Variants in TM2D1 observed in about 807,000 individuals in gnomAD.
The protein encoded by TM2D1 is TM2 domain containing 1.
A neutral mutation model predicts 28.4 loss-of-function variants in TM2D1; 15 were observed. The ratio of observed to expected loss-of-function variants is 0.53; its 90% CI spans 0.35 to 0.81. The LOEUF (loss-of-function observed/expected upper bound fraction) is 0.81, where lower values mean the gene tolerates loss of function less well. TM2D1 is among the 40% of genes least tolerant of loss of function. TM2D1 has a pLI of 0.01. For synonymous variants in TM2D1, 93 were observed against 96.2 expected, an observed-to-expected ratio of 0.97 and a Z score of 0.20; for missense variants, 236 against 254.9, an observed-to-expected ratio of 0.93 and a Z score of 0.50.
intron 1 of TM2D1, chr1:61,724,410 G>A (rs1357421668): frequency 2.0e-5 from 3 of 152,494 alleles, no homozygotes; most frequent in African/African-American, 7.2e-5. Context: ...TCCAGCCAGG[G>A]CGACAGAGTA....
At chr1:61,689,375 A>G (rs1044751766) in intron 5 of TM2D1, among the ~76,000 whole-genome samples, 1 of 152,030 alleles carries the variant, frequency 6.6e-6, no homozygotes, top group African/African-American at 2.4e-5. Context: ...TATTATTATT[A>G]TTTTTTGAGA....
intron 3 of TM2D1, among the ~76,000 whole-genome samples, chr1:61,707,824 T>C (rs1239466674): frequency 1.3e-5 from 2 of 152,192 alleles, no homozygotes; most frequent in Admixed American, 6.5e-5. Context: ...TTTATTTCTT[T>C]TTTTTCTTTT....
At chr1:61,717,979 A>T (rs947457765) in intron 2 of TM2D1, among the ~76,000 whole-genome samples, 11 of 152,268 alleles carry the variant, frequency 7.2e-5, no homozygotes, top group African/African-American at 2.6e-4. Flanking sequence ...GCACCACTGC[A>T]CTTCAGCCTG....
intron 3 of TM2D1, among the ~76,000 whole-genome samples, chr1:61,705,071 T>A (rs1197533775): frequency 6.6e-6 from 1 of 152,114 alleles, no homozygotes; most frequent in Non-Finnish European, 1.5e-5. Flanking sequence ...ATAAGTATTA[T>A]CAGAACAAGT....
intron 5 of TM2D1, among the ~76,000 whole-genome samples, chr1:61,691,369 C>A (rs1448514684): frequency 1.3e-5 from 2 of 151,592 alleles, no homozygotes; most frequent in Non-Finnish European, 2.9e-5. Context: ...GTGGTGCGTG[C>A]CTGTAATCCC....
At chr1:61,691,230 T>A (rs922376055) in intron 5 of TM2D1, among the ~76,000 whole-genome samples, 5 of 152,150 alleles carry the variant, frequency 3.3e-5, no homozygotes, top group African/African-American at 1.2e-4. Flanking sequence ...GCATGGTGGC[T>A]CACACTTGTA....
At chr1:61,704,042 C>T (rs187596050) in intron 3 of TM2D1, among the ~76,000 whole-genome samples, 1 of 151,938 alleles carries the variant, frequency 6.6e-6, no homozygotes, top group African/African-American at 2.4e-5. Context: ...AGGCACCAGC[C>T]ACCACATCCA....
intron 4 of TM2D1, among the ~76,000 whole-genome samples, chr1:61,695,581 G>A (rs567857274): frequency 1.3e-5 from 2 of 152,146 alleles, no homozygotes; most frequent in East Asian, 3.9e-4. Flanking sequence ...GACTCTTTGT[G>A]AAAATGTAGT....
At chr1:61,713,635 T>C (rs1031655468) in intron 2 of TM2D1, among the ~76,000 whole-genome samples, 1 of 152,042 alleles carries the variant, frequency 6.6e-6, no homozygotes, top group Non-Finnish European at 1.5e-5. Context: ...TACTAGATTG[T>C]AGATCATTTT....
intron 5 of TM2D1, among the ~76,000 whole-genome samples, chr1:61,693,976 A>C (rs2148041040): frequency 6.6e-6 from 1 of 152,334 alleles, no homozygotes; most frequent in Non-Finnish European, 1.5e-5. Flanking sequence ...TAAATGTTTA[A>C]GGACAGCATT....
rs555006385 is a variant in TM2D1 at position 61,704,238 on chromosome 1, C to A, written c.348-3213G>T. On this transcript the variant is annotated intron_variant, in intron 3 of 6. Coordinates refer to ENST00000606498, the MANE Select transcript of TM2D1 (RefSeq NM_032027.3). The stretch of plus-strand genomic sequence containing the variant: ...ACTGAATAGAATATAAAACGTATCA[C>A]CAACTTTTTATATGGCACATATATA... Among the ~76,000 whole-genome samples, 64 of 151,918 alleles carry A rather than the reference C, an allele frequency of 4.2e-4. 1 individual carries two copies. In the South Asian group the frequency reaches 0.013, roughly 32 times the overall value.
At chr1:61,711,941 T>C (rs1644482348) in intron 2 of TM2D1, among the ~76,000 whole-genome samples, 1 of 152,052 alleles carries the variant, frequency 6.6e-6, no homozygotes, top group Non-Finnish European at 1.5e-5. Flanking sequence ...GTTTTGATGT[T>C]GGCCAGGCTG....
intron 6 of TM2D1, 94 bp from the exon 7 acceptor site, chr1:61,681,444 A>G (rs984336889): frequency 6.6e-6 from 1 of 152,236 alleles, no homozygotes; most frequent in African/African-American, 2.4e-5. Flanking sequence ...TCATTTGCTC[A>G]ATGTATTTTT....
chr1:61,686,820 G>A (rs766706319), intron 5 of TM2D1: 10 of 974,728 alleles, frequency 1.0e-5, no homozygotes, highest in African/African-American at 1.8e-5. Flanking sequence ...CTGGATGGGA[G>A]GCTGAGGCAG....
At chr1:61,721,520 C>T (rs1350406516) in intron 2 of TM2D1, among the ~76,000 whole-genome samples, 4 of 135,824 alleles carry the variant, frequency 2.9e-5, no homozygotes, top group Non-Finnish European at 4.6e-5. Context: ...CCAGCCTGAG[C>T]GACAGAGTGA....
At chr1:61,721,550 A>T (rs1179574007) in intron 2 of TM2D1, among the ~76,000 whole-genome samples, 1 of 140,626 alleles carries the variant, frequency 7.1e-6, no homozygotes, top group African/African-American at 3.2e-5. Context: ...TCAAAAAAAA[A>T]AAAAAAGAAA....
At position 61,683,525 on chromosome 1, in the gene TM2D1, T is replaced by C; in HGVS notation, c.535A>G (p.Ser179Gly). 1 of 1,527,542 alleles carries C rather than the reference T, an allele frequency of 6.5e-7. No individual in the cohort carries two copies. Among genetic ancestry groups the C allele is most frequent in the Non-Finnish European group, 8.8e-7 (1 of 1,135,454 alleles). 94.6% of individuals were successfully genotyped at this position (1,527,542 alleles called of 1,614,324 possible). A position where few individuals can be genotyped will look rare whatever the true frequency, so the allele number is the denominator to read the frequency against. ...CCATAGTAATCTATAATGTAACTAC[T>C]TCCATCTGAAGGTCCAACAATCTAG... ...SMQIVGPSDGSSYIIDYYGTR... is the reference protein window; with the variant it reads ...SMQIVGPSDGGSYIIDYYGTR... The change falls in exon 6 of 7, where the codon AGT (serine) becomes GGT (glycine). Residue 179 changes from serine to glycine, a missense_variant. Physicochemically the swap from Ser to Gly is moderately conservative, Grantham distance 56. Coordinates refer to ENST00000606498, the MANE Select transcript of TM2D1 (RefSeq NM_032027.3).
At chr1:61,702,650 G>C (rs988900729) in intron 3 of TM2D1, among the ~76,000 whole-genome samples, 5 of 151,236 alleles carry the variant, frequency 3.3e-5, no homozygotes, top group African/African-American at 9.7e-5. Context: ...TTACAGGAAT[G>C]AGCCACCATG....
At chr1:61,720,357 TCAGCCTCC>T (rs1484869912) in intron 2 of TM2D1, among the ~76,000 whole-genome samples, 3 of 152,112 alleles carry the variant, frequency 2.0e-5, no homozygotes, top group Non-Finnish European at 4.4e-5. Flanking sequence ...GTCTCCTGCC[TCAGCCTCC>T]CAAGTTGCTG....
Sources: allele counts gnomAD v4.1 joint callset (sites outside exome capture counted in the v4.1 genomes callset), GRCh38; gene constraint gnomAD v4.1.1; transcripts MANE v1.5; gene names NCBI Gene and HGNC (gene_info 2026-07-23, HGNC 2026-07-21).